Variants in DCUN1D2 observed in about 807,000 individuals in gnomAD.
DCUN1D2 encodes DCN1-like protein 2.
A neutral mutation model predicts 30.9 loss-of-function variants in DCUN1D2; 29 were observed. The ratio of observed to expected loss-of-function variants is 0.94; its 90% CI spans 0.70 to 1.28. The LOEUF (loss-of-function observed/expected upper bound fraction) is 1.28. DCUN1D2 is among the 50% of genes most tolerant of loss of function. DCUN1D2 has a pLI of 0.00. For missense variants in DCUN1D2, 325 were observed against 316.9 expected, an observed-to-expected ratio of 1.03 and a Z score of -0.19; for synonymous variants, 121 against 115.3, an observed-to-expected ratio of 1.05 and a Z score of -0.32.
chr13:113,463,176 T>A (rs926833625), intron 4 of DCUN1D2: 1 of 159,408 alleles, frequency 6.3e-6, no homozygotes, highest in African/African-American at 2.4e-5. Context: ...ACAGCTACTC[T>A]GGTGGCTACA....
rs758886561 is a variant in DCUN1D2 at position 113,480,677 on chromosome 13, TC to T, written c.286del (p.Asp96IlefsTer10). 6.2e-7 allele frequency: 1 copy of T among 1,614,170 alleles called. No individual in the cohort carries two copies. The highest frequency in any genetic ancestry group is 8.5e-7 in the Non-Finnish European group (1 of 1,180,004). On this transcript the variant is annotated frameshift_variant, in exon 3 of 7. Transcript: ENST00000478244. LOFTEE classifies it high-confidence loss of function. Reference protein sequence around the residue: ...IQQFCDDLSLDPASISVLVIA... With the variant: ...IQQFCDDLSLXPASISVLVIA... ...GACCAATACACTGATACTGGCAGGA[TC>T]CAGGCTCAGATCATCACAAAACTGT... is the stretch of plus-strand genomic sequence containing the variant.
intron 6 of DCUN1D2, 31 bp downstream of exon 6, chr13:113,459,281 G>C (rs367964410): frequency 2.5e-6 from 3 of 1,201,692 alleles, no homozygotes; most frequent in Non-Finnish European, 3.7e-6. Context: ...TAAGCATTTC[G>C]GTCAATCATC....
rs944784546 is a variant in DCUN1D2, at chr13:113,456,062, A to C, written c.*1967T>G. The stretch of plus-strand genomic sequence containing the variant: ...AAACTTTTCTGAACAAAACAATTAC[A>C]TGTCAAGAATCCATGAAGCCTGGAA... On this transcript the variant is annotated 3_prime_UTR_variant, in exon 7 of 7. Transcript: ENST00000478244. 1.0e-5 allele frequency: 4 copies of C among 397,370 alleles called. No individual in the cohort carries two copies. In the East Asian group the frequency reaches 1.1e-4, roughly 11 times the overall value. 24.6% of individuals were successfully genotyped at this position (397,370 alleles called of 1,614,324 possible).
intron 3 of DCUN1D2, among the ~76,000 whole-genome samples, chr13:113,474,880 C>T (rs749352336): frequency 6.6e-6 from 1 of 152,208 alleles, no homozygotes; most frequent in Non-Finnish European, 1.5e-5. Flanking sequence ...CTCTTCATTA[C>T]AGCAAGTTAG....
intron 4 of DCUN1D2, among the ~76,000 whole-genome samples, chr13:113,470,427 G>A (rs944361560): frequency 3.3e-5 from 5 of 152,198 alleles, no homozygotes; most frequent in African/African-American, 1.2e-4. Context: ...GGTGAAAAAG[G>A]AAGATCATTT....
At chr13:113,460,537 A>C (rs958938783) in intron 5 of DCUN1D2, among the ~76,000 whole-genome samples, 2 of 152,202 alleles carry the variant, frequency 1.3e-5, no homozygotes, top group Non-Finnish European at 1.5e-5. Context: ...GTGTCTCTCC[A>C]GAGGGTCCAC....
intron 4 of DCUN1D2, among the ~76,000 whole-genome samples, chr13:113,473,395 T>TA (rs571589530): frequency 6.3e-4 from 96 of 152,006 alleles, no homozygotes; most frequent in African/African-American, 2.1e-3. Flanking sequence ...ACTCCCCAAG[T>TA]AAAAAAAATA....
chr13:113,483,064 G>A (rs887738482), intron 2 of DCUN1D2, among the ~76,000 whole-genome samples: 1 of 152,194 alleles, frequency 6.6e-6, no homozygotes, highest in Non-Finnish European at 1.5e-5. Flanking sequence ...TTGTTTTAAA[G>A]TTTTAGAAAA....
chr13:113,490,472 C>A lies in DCUN1D2; in HGVS notation c.3+195G>T. On this transcript the variant is annotated intron_variant, in intron 1 of 6. Transcript: ENST00000478244. This position sits in a 1 kb window ranked among gnomAD's most constrained non-coding sequence, Gnocchi z 5.2. ...CGCGGCTCCGGGTCAAACCCGCGCT[C>A]CCCGCGGTCCCGCGCCTCCGACGCC... 1 of 533,432 alleles carries A rather than the reference C, an allele frequency of 1.9e-6. No individual in the cohort carries two copies. Among genetic ancestry groups the A allele is most frequent in the Non-Finnish European group, 2.8e-6 (1 of 352,188 alleles). 33.0% of individuals were successfully genotyped at this position (533,432 alleles called of 1,614,324 possible).
intron 3 of DCUN1D2, among the ~76,000 whole-genome samples, chr13:113,475,614 T>C (rs2259065): frequency 0.98 from 149,860 of 152,314 alleles, 73,729 homozygotes; most frequent in East Asian, 1. Flanking sequence ...GGGCCAGGTA[T>C]GGTGGCTCAT....
intron 2 of DCUN1D2, 67 bp downstream of exon 2, chr13:113,483,773 G>C (rs2044751165): frequency 6.7e-7 from 1 of 1,499,606 alleles, no homozygotes; most frequent in Non-Finnish European, 9.1e-7. Context: ...CAGAACCCTG[G>C]AAGTGCAGCG....
At chr13:113,474,331 C>T (rs2044575113) in intron 3 of DCUN1D2, 77 bp from the exon 4 acceptor site, 2 of 1,549,534 alleles carry the variant, frequency 1.3e-6, no homozygotes, top group Non-Finnish European at 1.8e-6. Context: ...TGTGCAGGAA[C>T]TGTGACCAGG....
chr13:113,469,678 A>G (rs1054409106), intron 4 of DCUN1D2, among the ~76,000 whole-genome samples: 5 of 147,970 alleles, frequency 3.4e-5, no homozygotes, highest in East Asian at 1.9e-4. Flanking sequence ...CCTCAACTCT[A>G]AAACAAAATG....
At chr13:113,481,865 CAAA>C (rs60598722) in intron 2 of DCUN1D2, among the ~76,000 whole-genome samples, 5 of 111,972 alleles carry the variant, frequency 4.5e-5, no homozygotes, top group Non-Finnish European at 4.0e-5. Context: ...GCCTGGGTGA[CAAA>C]AAAAAAAAAA....
chr13:113,490,784 C>T (rs1447895326), upstream of DCUN1D2: 5 of 1,018,056 alleles, frequency 4.9e-6, no homozygotes, highest in African/African-American at 1.7e-5. The surrounding 1 kb of genome is among the most constrained non-coding windows in gnomAD (Gnocchi z 5.2). Flanking sequence ...TGCCGGGAGC[C>T]GGCCGCGGGG....
At position 113,480,416 on chromosome 13, in the gene DCUN1D2, C is replaced by A; in HGVS notation, c.389+159G>T. On this transcript the variant is annotated intron_variant, in intron 3 of 6. Transcript: ENST00000478244. ...GTTAAATTGAAAATTAAAAGGAAAC[C>A]AAAGGCTTGATAGTGCGGAGAGTAC... 7 of 529,434 alleles carry A rather than the reference C, an allele frequency of 1.3e-5. No individual in the cohort carries two copies. In the South Asian group the frequency reaches 2.6e-4, roughly 20 times the overall value. 32.8% of individuals were successfully genotyped at this position (529,434 alleles called of 1,614,324 possible).
chr13:113,485,926 C>T (rs1364785977), intron 1 of DCUN1D2, among the ~76,000 whole-genome samples: 24 of 151,982 alleles, frequency 1.6e-4, no homozygotes, highest in Admixed American at 1.4e-3. Context: ...GGAATGAACG[C>T]GAGATTCGAG....
intron 2 of DCUN1D2, 115 bp from the exon 3 acceptor site, chr13:113,480,858 C>A: frequency 1.0e-6 from 1 of 992,682 alleles, no homozygotes; most frequent in Non-Finnish European, 1.5e-6. Context: ...AGCGTGTTTC[C>A]AATACATCAA....
intron 3 of DCUN1D2, among the ~76,000 whole-genome samples, chr13:113,474,639 G>C (rs759311153): frequency 1.3e-5 from 2 of 152,166 alleles, no homozygotes; most frequent in African/African-American, 2.4e-5. Flanking sequence ...GTGGAACAAG[G>C]GCGTGGTCTA....
Sources: allele counts gnomAD v4.1 joint callset (sites outside exome capture counted in the v4.1 genomes callset), GRCh38; gene constraint gnomAD v4.1.1; non-coding constraint Gnocchi (gnomAD v3.1); transcripts MANE v1.5; gene names NCBI Gene and HGNC (gene_info 2026-07-23, HGNC 2026-07-21).